PMS1: variants seen among roughly 807,000 people sequenced by gnomAD.
PMS1 encodes PMS1 homolog 1, mismatch repair system component.
PMS1 carries 79 observed loss-of-function variants against 93.1 expected under a neutral mutation model. The observed-to-expected ratio is 0.85, with a 90% confidence interval of 0.71 to 1.02. The LOEUF (loss-of-function observed/expected upper bound fraction) is 1.02. Among genes scored for constraint, PMS1 ranks in the 50% least tolerant of loss-of-function variants. The pLI, the probability that PMS1 is intolerant of heterozygous loss-of-function variation, is 0.00. For missense variants in PMS1, 1,064 were observed against 1,085.3 expected (o/e 0.98, Z 0.28); for synonymous variants, 335 against 363.4 (o/e 0.92, Z 0.89).
chr2:189,877,169 TA>T, intron 12 of PMS1, 102 bp from the exon 13 acceptor site: 3 of 966,210 alleles, frequency 3.1e-6, no homozygotes, highest in Non-Finnish European at 4.8e-6. Flanking sequence ...AGTGAATTCA[TA>T]AAATGAAAAT....
chr2:189,790,341 A>G (rs780932498), intron 1 of PMS1, among the ~76,000 whole-genome samples: 2 of 152,220 alleles, frequency 1.3e-5, no homozygotes, highest in Non-Finnish European at 2.9e-5. Flanking sequence ...GGTCATTCTC[A>G]GCCAACATTA....
intron 3 of PMS1, 149 bp from the exon 4 acceptor site, chr2:189,805,503 G>T: frequency 1.4e-6 from 1 of 713,364 alleles, no homozygotes. Flanking sequence ...TAACTCTAAG[G>T]AATATTACAA....
At chr2:189,849,315 C>A (rs1229839022) in intron 6 of PMS1, among the ~76,000 whole-genome samples, 1 of 152,106 alleles carries the variant, frequency 6.6e-6, no homozygotes, top group African/African-American at 2.4e-5. Flanking sequence ...GAATAAATTC[C>A]TCATCATTGC....
chr2:189,807,043 CT>C (rs1406900089), intron 4 of PMS1: 1 of 182,846 alleles, frequency 5.5e-6, no homozygotes. Context: ...TTATTGGATT[CT>C]TTTTTTCAAA....
intron 1 of PMS1, among the ~76,000 whole-genome samples, chr2:189,787,227 A>G (rs1243580875): frequency 1.3e-5 from 2 of 152,198 alleles, no homozygotes; most frequent in African/African-American, 4.8e-5. Context: ...GTGGAAGCCA[A>G]TTGAAATTAT....
chr2:189,868,678 A>C (rs1193609281), intron 11 of PMS1, among the ~76,000 whole-genome samples: 2 of 152,170 alleles, frequency 1.3e-5, no homozygotes, highest in East Asian at 3.8e-4. Flanking sequence ...GCTCGACCAA[A>C]ATAGTGTTTG....
chr2:189,852,072 T>C (rs2054795891), intron 6 of PMS1, among the ~76,000 whole-genome samples: 1 of 152,176 alleles, frequency 6.6e-6, no homozygotes, highest in Non-Finnish European at 1.5e-5. Context: ...TTCAGTAAAA[T>C]TTTTATAGAA....
chr2:189,877,419 CTT>C lies in PMS1; in HGVS notation c.2783_2784del (p.Leu928ProfsTer10). 6.2e-7 allele frequency: 1 copy of C among 1,610,042 alleles called. No homozygotes were observed. The highest frequency in any genetic ancestry group is 1.1e-5 in the South Asian group (1 of 91,004). On this transcript the variant is annotated frameshift_variant, in exon 13 of 13. Coordinates refer to ENST00000441310, the MANE Select transcript of PMS1 (RefSeq NM_000534.5). LOFTEE classifies it high-confidence loss of function. ...CCCATTTTTTCATCATTTAACCTAT[CTT>C]CCAGAAACTACATGATTAAATATGT... is the stretch of plus-strand genomic sequence containing the variant. ...GRPFFHHLTY[L>X]PETT
At chr2:189,842,006 A>T (rs1324117384) in intron 5 of PMS1, among the ~76,000 whole-genome samples, 1 of 150,550 alleles carries the variant, frequency 6.6e-6, no homozygotes, top group African/African-American at 2.4e-5. Context: ...AATGTGTCCT[A>T]TTCCTGCCTC....
At chr2:189,836,740 G>T (rs1047520756) in intron 5 of PMS1, among the ~76,000 whole-genome samples, 2 of 152,264 alleles carry the variant, frequency 1.3e-5, no homozygotes, top group South Asian at 4.1e-4. Context: ...TTAGCCCCTC[G>T]ATCTGATGCA....
intron 3 of PMS1, among the ~76,000 whole-genome samples, chr2:189,804,329 A>G (rs2050148750): frequency 6.6e-6 from 1 of 152,234 alleles, no homozygotes; most frequent in Non-Finnish European, 1.5e-5. Flanking sequence ...AGCCACAGAA[A>G]AGAAAATCTC....
intron 9 of PMS1, chr2:189,856,050 A>T (rs2055296664): frequency 6.0e-6 from 1 of 167,838 alleles, no homozygotes; most frequent in Non-Finnish European, 1.4e-5. Context: ...TCCTTAGCTT[A>T]TTCAGTCTTA....
intron 5 of PMS1, among the ~76,000 whole-genome samples, chr2:189,833,610 T>G (rs1296084216): frequency 6.6e-6 from 1 of 152,018 alleles, no homozygotes; most frequent in Non-Finnish European, 1.5e-5. Context: ...TCATTTTCAT[T>G]TGGGTAATTA....
chr2:189,784,477 C>CCGCG lies in PMS1; in HGVS notation c.-132_-129dup, dbSNP rs1559196355. 2.6e-5 allele frequency: 4 copies of CCGCG among 152,524 alleles called. No homozygotes were observed. The highest frequency in any genetic ancestry group is 7.2e-5 in the African/African-American group (3 of 41,466). 9.4% of individuals were successfully genotyped at this position (152,524 alleles called of 1,614,324 possible). ...TGCCGCGCTCTCTGCACCCGCTCTG[C>CCGCG]CGCGCGCGTGCGTGCTGGGTGCGGG... is the stretch of plus-strand genomic sequence containing the variant. On this transcript the variant is annotated 5_prime_UTR_variant, in exon 1 of 13. Coordinates refer to ENST00000441310, the MANE Select transcript of PMS1 (RefSeq NM_000534.5).
intron 9 of PMS1, among the ~76,000 whole-genome samples, chr2:189,861,741 C>G (rs1013828903): frequency 7.5e-6 from 1 of 133,100 alleles, no homozygotes; most frequent in Non-Finnish European, 1.5e-5. Flanking sequence ...CAGAGAGACT[C>G]TGTCTCAAAA....
chr2:189,800,644 A>G (rs575119143), intron 3 of PMS1, among the ~76,000 whole-genome samples: 1 of 152,318 alleles, frequency 6.6e-6, no homozygotes, highest in South Asian at 2.1e-4. Context: ...TTAGATGAAA[A>G]TTACAGTGAA....
chr2:189,807,965 A>C (rs1002505747), intron 4 of PMS1, among the ~76,000 whole-genome samples: 1 of 152,238 alleles, frequency 6.6e-6, no homozygotes, highest in African/African-American at 2.4e-5. Flanking sequence ...TTCTTGGTGG[A>C]CATATTATAT....
intron 10 of PMS1, 51 bp from the exon 11 acceptor site, chr2:189,867,748 C>T (rs2106529439): frequency 3.7e-6 from 5 of 1,360,762 alleles, no homozygotes; most frequent in Non-Finnish European, 5.2e-6. Context: ...TCCCGTAAAC[C>T]CCCTTATTTT....
rs767698592 is a variant in PMS1 at position 189,854,298 on chromosome 2, T to C, written c.1026T>C (p.Ser342=). Residue 342 remains serine (S), a synonymous_variant, in exon 9 of 13, where the codon AGT becomes AGC. Transcript: ENST00000441310. The stretch of plus-strand genomic sequence containing the variant: ...CGACTTGTTATGGACCATTACCTAG[T>C]ACAAATTCTTATGAAAATAATAAAA... ...LMTTCYGPLP[S]TNSYENNKTD... 1 of 1,593,592 alleles carries C rather than the reference T, an allele frequency of 6.3e-7. No individual in the cohort carries two copies. The highest frequency in any genetic ancestry group is 8.5e-7 in the Non-Finnish European group (1 of 1,171,050).
Sources: allele counts gnomAD v4.1 joint callset (sites outside exome capture counted in the v4.1 genomes callset), GRCh38; gene constraint gnomAD v4.1.1; transcripts MANE v1.5; gene names NCBI Gene and HGNC (gene_info 2026-07-23, HGNC 2026-07-21).